The following FAM186A variants were observed in gnomAD, a reference collection of about 807,000 sequenced individuals.
The protein encoded by FAM186A is protein FAM186A.
In FAM186A, 163 loss-of-function variants were observed where a neutral mutation model predicts 216.8. The observed-to-expected ratio is 0.75, with a 90% CI of 0.66 to 0.86. The LOEUF is 0.86. Ranked by LOEUF, FAM186A falls within the 40% of genes least tolerant of loss-of-function variation. The pLI is 0.00. For missense variants in FAM186A, 2,184 were observed against 2,746.2 expected, an observed-to-expected ratio of 0.80 and a Z score of 4.58; for synonymous variants, 805 against 1,025.3, an observed-to-expected ratio of 0.79 and a Z score of 4.10.
chr12:50,330,486 G>T, intron 7 of FAM186A, 87 bp downstream of exon 7: 1 of 1,339,912 alleles, frequency 7.5e-7, no homozygotes, highest in Non-Finnish European at 1.0e-6. Context: ...TGATGTACCT[G>T]GTGCTACAGG....
rs1292162530 is a variant in FAM186A, at chr12:50,354,849, A to T, written c.1983T>A (p.Asp661Glu). 2 of 1,546,588 alleles carry T rather than the reference A, an allele frequency of 1.3e-6. No individual in the cohort carries two copies. Among genetic ancestry groups the T allele is most frequent in the Non-Finnish European group, 1.7e-6 (2 of 1,145,990 alleles). ...CGAGGTTACTCTGTTCACTTTTGCC[A>T]TCTGGACTTTCTAGAACTCTGGTAG... is the stretch of plus-strand genomic sequence containing the variant. ...SESTRVLESP[D>E]GKSEQSNLEE... Residue 661 changes from aspartate to glutamate, a missense_variant, in exon 4 of 8, where the codon GAT becomes GAA. Around this residue, in one of 7 missense-constraint regions of FAM186A, gnomAD observed 1,132 missense variants for 1,263.4 expected, o/e 0.90. Coordinates refer to ENST00000327337, the MANE Select transcript of FAM186A (RefSeq NM_001145475.3).
intron 1 of FAM186A, among the ~76,000 whole-genome samples, chr12:50,376,704 G>A (rs1943201392): frequency 6.6e-6 from 1 of 151,450 alleles, no homozygotes; most frequent in African/African-American, 2.4e-5. Flanking sequence ...CCCTAAACTG[G>A]CAATGTGGGT....
chr12:50,374,766 T>C (rs548402319), intron 1 of FAM186A, among the ~76,000 whole-genome samples: 1 of 152,290 alleles, frequency 6.6e-6, no homozygotes, highest in South Asian at 2.1e-4. Context: ...ATTGGATAAA[T>C]GTCCTAACCA....
At chr12:50,328,229 A>G (rs185855696) in intron 7 of FAM186A, among the ~76,000 whole-genome samples, 1 of 152,312 alleles carries the variant, frequency 6.6e-6, no homozygotes, top group Admixed American at 6.5e-5. Context: ...ATATATCTAT[A>G]CAATGGGCCA....
At position 50,378,210 on chromosome 12, in the gene FAM186A, G is replaced by A. The variant is rs149745363; in HGVS notation, c.193-14846C>T. ...TTACACTCCAGCCTCGACAACAAGAGCGAAACTCCATCTCAAAAAAAAAAA... is the reference window on the plus strand; with the variant it reads ...TTACACTCCAGCCTCGACAACAAGAACGAAACTCCATCTCAAAAAAAAAAA... On this transcript the variant is annotated intron_variant, in intron 1 of 7. Transcript: ENST00000327337. Among the ~76,000 whole-genome samples the A allele has an allele frequency of 1.6e-4, 20 of 127,902 alleles. No individual in the cohort carries two copies. The East Asian group carries it at 4.4e-3, about 28-fold the overall frequency. The allele number at this position is 127,902 out of a possible 152,430, so 83.9% of individuals were successfully genotyped here. A position where few individuals can be genotyped will look rare whatever the true frequency, so the allele number is the denominator to read the frequency against.
chr12:50,389,291 G>A (rs1288663541), intron 1 of FAM186A, among the ~76,000 whole-genome samples: 3 of 151,126 alleles, frequency 2.0e-5, no homozygotes, highest in South Asian at 2.1e-4. Context: ...ACCTGAGTTC[G>A]GGAATTTGAG....
At chr12:50,367,159 G>A (rs1278420733) in intron 1 of FAM186A, among the ~76,000 whole-genome samples, 1 of 152,082 alleles carries the variant, frequency 6.6e-6, no homozygotes, top group African/African-American at 2.4e-5. Context: ...TTAGGAACAA[G>A]GCAAGGATGC....
In FAM186A at chr12:50,335,548, G is replaced by A. The variant is rs1439397199; in HGVS notation, c.6504-1445C>T. 2.0e-5 allele frequency among the ~76,000 whole-genome samples: 3 copies of A among 151,926 alleles called. No homozygotes were observed. In the East Asian group the frequency reaches 5.8e-4, roughly 29 times the overall value. On this transcript the variant is annotated intron_variant, in intron 4 of 7. Transcript: ENST00000327337. ...AATCCCAGCTACTTGGGAGGCTGAG[G>A]CAGAAGAATCACTTGAACCCGAGCA...
chr12:50,340,208 C>T (rs1942749119), intron 4 of FAM186A, among the ~76,000 whole-genome samples: 1 of 152,156 alleles, frequency 6.6e-6, no homozygotes, highest in African/African-American at 2.4e-5. Context: ...CTGTACCTAA[C>T]TCCCGCCTCT....
rs762797492 is a variant in FAM186A, at chr12:50,353,488, T to G, written c.3344A>C (p.Gln1115Pro). ...GAAAAGGATCTCCAGGGCCTGGGCCTGCTGAGGGGTGAGAGGGATCCCTAG... is the reference window on the plus strand; with the variant it reads ...GAAAAGGATCTCCAGGGCCTGGGCCGGCTGAGGGGTGAGAGGGATCCCTAG... The part of the protein sequence containing the change: ...QELGIPLTPQ[Q>P]AQALEILFTP... Residue 1115 changes from glutamine (Q) to proline (P), a missense_variant, in exon 4 of 8, where the codon CAG becomes CCG. By Grantham distance (76) the Gln-to-Pro change is moderately conservative. Coordinates refer to ENST00000327337, the MANE Select transcript of FAM186A (RefSeq NM_001145475.3). The G allele has an allele frequency of 1.3e-6, 2 of 1,539,982 alleles. No individual in the cohort carries two copies. The highest frequency in any genetic ancestry group is 1.8e-6 in the Non-Finnish European group (2 of 1,141,298).
chr12:50,353,159 G>C lies in FAM186A; in HGVS notation c.3673C>G (p.Gln1225Glu). The change falls in exon 4 of 8, where the codon CAG becomes GAG. Residue 1225 changes from glutamine to glutamate, a missense_variant. Around this residue, in one of 7 missense-constraint regions of FAM186A, gnomAD observed 267 missense variants for 446.2 expected, o/e 0.60. Coordinates refer to ENST00000327337, the MANE Select transcript of FAM186A (RefSeq NM_001145475.3). ...LGIPLTPQQA[Q>E]ALGITLTLQQ... ...AGGGTTAGAGTGATCCCCAGGGCCT[G>C]GGCCTGCTGAGGGGTGAGAGGGATC... 6 of 1,478,436 alleles carry C rather than the reference G, an allele frequency of 4.1e-6. No homozygotes were observed. The highest frequency in any genetic ancestry group is 5.4e-6 in the Non-Finnish European group (6 of 1,103,060). The allele number at this position is 1,478,436 out of a possible 1,614,324, so 91.6% of individuals were successfully genotyped here. A position where few individuals can be genotyped will look rare whatever the true frequency, so the allele number is the denominator to read the frequency against.
intron 1 of FAM186A, among the ~76,000 whole-genome samples, chr12:50,376,917 A>T (rs549771624): frequency 3.3e-5 from 5 of 151,594 alleles, no homozygotes; most frequent in Non-Finnish European, 5.9e-5. Context: ...ATTATTTTTT[A>T]TTTTTATTTT....
At chr12:50,361,142 T>C (rs1455687866) in intron 2 of FAM186A, among the ~76,000 whole-genome samples, 1 of 152,178 alleles carries the variant, frequency 6.6e-6, no homozygotes, top group African/African-American at 2.4e-5. Flanking sequence ...CATAAAGACA[T>C]GAATCAGATT....
intron 1 of FAM186A, 55 bp downstream of exon 1, chr12:50,396,238 C>T (rs1195916902): frequency 5.0e-6 from 7 of 1,410,732 alleles, no homozygotes; most frequent in Non-Finnish European, 6.6e-6. Flanking sequence ...TGTACTTGGT[C>T]ACAGAAAGTT....
intron 1 of FAM186A, among the ~76,000 whole-genome samples, chr12:50,377,979 A>G (rs919584386): frequency 6.6e-6 from 1 of 152,062 alleles, no homozygotes; most frequent in African/African-American, 2.4e-5. Context: ...TCATCCCAGC[A>G]CTTTGGGCGG....
At chr12:50,359,077 A>G (rs930267328) in intron 3 of FAM186A, among the ~76,000 whole-genome samples, 2 of 151,936 alleles carry the variant, frequency 1.3e-5, no homozygotes, top group Admixed American at 6.6e-5. Flanking sequence ...CCACAATGAG[A>G]TACCACTTCA....
intron 4 of FAM186A, among the ~76,000 whole-genome samples, chr12:50,342,662 G>A (rs1420444443): frequency 1.3e-5 from 2 of 151,660 alleles, no homozygotes; most frequent in South Asian, 2.1e-4. Flanking sequence ...ATTTTTAGTA[G>A]AGACAGGGTT....
At chr12:50,363,442 A>G (rs2136097929) in intron 1 of FAM186A, 78 bp from the exon 2 acceptor site, 2 of 1,204,250 alleles carry the variant, frequency 1.7e-6, no homozygotes, top group African/African-American at 1.5e-5. Context: ...TCAGAACGTC[A>G]GTGACAGTTA....
intron 1 of FAM186A, among the ~76,000 whole-genome samples, chr12:50,369,272 C>T (rs1305102999): frequency 4.0e-5 from 6 of 151,406 alleles, no homozygotes; most frequent in Middle Eastern, 3.2e-3. Flanking sequence ...AGGCGGATCA[C>T]GAGGTCAGGA....
Sources: gnomAD v4.1 joint callset for allele counts (sites outside exome capture counted in the v4.1 genomes callset) on GRCh38, gnomAD v4.1.1 for gene constraint, gnomAD v4.1.1 regional missense constraint, MANE v1.5 for transcripts, NCBI Gene and HGNC (gene_info 2026-07-23, HGNC 2026-07-21) for gene names.